The following KAT6B variants were observed in gnomAD, a reference collection of about 807,000 sequenced individuals.
KAT6B encodes the protein lysine acetyltransferase 6B.
Under a neutral mutation model 187.5 loss-of-function variants are expected in KAT6B, and 10 were observed. The ratio of observed to expected loss-of-function variants is 0.05; its 90% CI spans 0.03 to 0.09. KAT6B has a LOEUF of 0.09. Among genes scored for constraint, KAT6B ranks in the 10% least tolerant of loss-of-function variants. The pLI is 1.00. For missense variants in KAT6B, 1,952 were observed against 2,558.9 expected, an observed-to-expected ratio of 0.76 and a Z score of 5.12; for synonymous variants, 861 against 926.8, an observed-to-expected ratio of 0.93 and a Z score of 1.29.
At chr10:75,021,064 T>C (rs750969127) in intron 14 of KAT6B, 62 bp from the exon 15 acceptor site, 1 of 1,496,824 alleles carries the variant, frequency 6.7e-7, no homozygotes, top group East Asian at 2.3e-5. Flanking sequence ...TATGTCCGTA[T>C]GTGAAGCTGA....
At chr10:74,950,510 G>A (rs1840244010) in intron 3 of KAT6B, among the ~76,000 whole-genome samples, 2 of 152,160 alleles carry the variant, frequency 1.3e-5, no homozygotes, top group African/African-American at 2.4e-5. Flanking sequence ...GTGTGTTTCC[G>A]AAGACCATAT....
intron 3 of KAT6B, among the ~76,000 whole-genome samples, chr10:74,942,765 C>CAAAA (rs56276008): frequency 0.077 from 724 of 9,366 alleles, 277 homozygotes; most frequent in African/African-American, 0.15. Flanking sequence ...AACTCCATCG[C>CAAAA]AAAAAAAAAA....
chr10:74,873,571 C>G (rs1005918375), intron 3 of KAT6B, among the ~76,000 whole-genome samples: 3 of 151,960 alleles, frequency 2.0e-5, no homozygotes, highest in African/African-American at 4.8e-5. Context: ...TGGGAGGAGG[C>G]CTTTGTGAGG....
chr10:74,917,386 TC>T (rs1847768549), intron 3 of KAT6B, among the ~76,000 whole-genome samples: 1 of 152,214 alleles, frequency 6.6e-6, no homozygotes, highest in Non-Finnish European at 1.5e-5. Flanking sequence ...CCTGTATTTT[TC>T]TCTGTTCCAG....
chr10:74,929,063 T>G (rs1316258421), intron 3 of KAT6B, among the ~76,000 whole-genome samples: 1 of 152,238 alleles, frequency 6.6e-6, no homozygotes, highest in East Asian at 1.9e-4. Context: ...GGCTTTGTAC[T>G]GGGAAGTGCT....
At chr10:74,909,466 C>A (rs1376490224) in intron 3 of KAT6B, among the ~76,000 whole-genome samples, 1 of 152,148 alleles carries the variant, frequency 6.6e-6, no homozygotes, top group Non-Finnish European at 1.5e-5. Context: ...GTTCCCTGTC[C>A]AGCTTATTAT....
intron 1 of KAT6B, among the ~76,000 whole-genome samples, chr10:74,830,174 C>G (rs1279626547): frequency 6.6e-6 from 1 of 152,060 alleles, no homozygotes; most frequent in Non-Finnish European, 1.5e-5. Flanking sequence ...ATTTGCATTT[C>G]CAAAGCACCT....
chr10:74,863,188 CT>C (rs758889789), intron 3 of KAT6B, among the ~76,000 whole-genome samples: 79 of 151,474 alleles, frequency 5.2e-4, no homozygotes, highest in Middle Eastern at 3.4e-3. Flanking sequence ...TTCTTCCAGT[CT>C]TTTTTCCTTT....
At position 74,976,302 on chromosome 10, in the gene KAT6B, C is replaced by T. The variant is rs748189151; in HGVS notation, c.1965C>T (p.Asp655=). The part of the protein sequence containing the change: ...TPSPGKGSLT[D]GRIKPDQDDD... ...CACCAGGGAAGGGGAGCTTGACAGA[C>T]GGAAGGATTAAACCTGATCAGGATG... Residue 655 remains aspartate, a synonymous_variant, in exon 8 of 18, where the codon GAC becomes GAT. Coordinates refer to ENST00000287239, the MANE Select transcript of KAT6B (RefSeq NM_012330.4). 8 of 1,613,562 alleles carry T rather than the reference C, an allele frequency of 5.0e-6. No homozygotes were observed. Among genetic ancestry groups the T allele is most frequent in the African/African-American group, 1.3e-5 (1 of 75,032 alleles).
At chr10:74,954,323 G>T (rs1840523809) in intron 3 of KAT6B, among the ~76,000 whole-genome samples, 3 of 152,188 alleles carry the variant, frequency 2.0e-5, no homozygotes, top group Admixed American at 6.5e-5. Context: ...TGGGGGAAGA[G>T]AATATGGGAA....
intron 3 of KAT6B, 133 bp downstream of exon 3, chr10:74,843,611 TTTGTATTTTAAAATGTATATA>T: frequency 8.8e-7 from 1 of 1,133,860 alleles, no homozygotes. Context: ...AGAGCAGGCT[TTTGTATTTTAAAATGTATATA>T]TTGTACTGCA....
chr10:74,937,428 A>C (rs947845331), intron 3 of KAT6B, among the ~76,000 whole-genome samples: 3 of 152,224 alleles, frequency 2.0e-5, no homozygotes, highest in Non-Finnish European at 2.9e-5. Flanking sequence ...GTATTGTCAA[A>C]TATTAATTTA....
At chr10:74,909,007 A>G (rs1294556878) in intron 3 of KAT6B, among the ~76,000 whole-genome samples, 1 of 152,188 alleles carries the variant, frequency 6.6e-6, no homozygotes, top group African/African-American at 2.4e-5. Context: ...GAAGAGGTTG[A>G]GGGAAAAGTA....
At chr10:74,989,774 TC>T (rs1843013681) in intron 13 of KAT6B, among the ~76,000 whole-genome samples, 1 of 152,160 alleles carries the variant, frequency 6.6e-6, no homozygotes, top group Non-Finnish European at 1.5e-5. Flanking sequence ...GTTTTTTTTT[TC>T]CTCCTTGTTT....
chr10:74,994,208 G>A lies in KAT6B; in HGVS notation c.2629+5096G>A, dbSNP rs145116235. Among the ~76,000 whole-genome samples the A allele has an allele frequency of 2.1e-3, 314 of 152,070 alleles. 1 individual carries two copies. The highest frequency in any genetic ancestry group is 7.1e-3 in the African/African-American group (296 of 41,492). On this transcript the variant is annotated intron_variant, in intron 13 of 17. Coordinates refer to ENST00000287239, the MANE Select transcript of KAT6B (RefSeq NM_012330.4). Reference sequence around the variant, plus strand: ...TCTTCCCCATTTATTTAATTTTTTTGTATAATTGTGGGTTTTAATTTTATT... The same window carrying A: ...TCTTCCCCATTTATTTAATTTTTTTATATAATTGTGGGTTTTAATTTTATT...
chr10:74,999,562 A>G (rs1218011254), intron 13 of KAT6B, among the ~76,000 whole-genome samples: 2 of 152,196 alleles, frequency 1.3e-5, no homozygotes, highest in African/African-American at 4.8e-5. Context: ...ATTGGGAGAT[A>G]ATGGTGTTAG....
intron 10 of KAT6B, among the ~76,000 whole-genome samples, chr10:74,981,548 A>AT: frequency 6.6e-6 from 1 of 152,092 alleles, no homozygotes; most frequent in African/African-American, 2.4e-5. Flanking sequence ...TAATTTTTGC[A>AT]TTTTTAGTAG....
intron 3 of KAT6B, among the ~76,000 whole-genome samples, chr10:74,881,662 T>C (rs903829746): frequency 2.6e-5 from 4 of 151,948 alleles, no homozygotes; most frequent in Non-Finnish European, 4.4e-5. Flanking sequence ...GCGGTGGAGA[T>C]TGATTGATTG....
chr10:74,991,651 C>G lies in KAT6B; in HGVS notation c.2629+2539C>G, dbSNP rs546679365. Reference sequence around the variant, plus strand: ...GTTTTTTTCTTTTCTCTTTCCTGTACACCTAGCATTGCCCCTACTGGAGTG... The same window carrying G: ...GTTTTTTTCTTTTCTCTTTCCTGTAGACCTAGCATTGCCCCTACTGGAGTG... On this transcript the variant is annotated intron_variant, in intron 13 of 17. Coordinates refer to ENST00000287239, the MANE Select transcript of KAT6B (RefSeq NM_012330.4). 6.6e-5 allele frequency among the ~76,000 whole-genome samples: 10 copies of G among 152,216 alleles called. No homozygotes were observed. The South Asian group carries it at 2.1e-3, about 32-fold the overall frequency.
Sources: allele counts gnomAD v4.1 joint callset (sites outside exome capture counted in the v4.1 genomes callset), GRCh38; gene constraint gnomAD v4.1.1; transcripts MANE v1.5; gene names NCBI Gene and HGNC (gene_info 2026-07-23, HGNC 2026-07-21).